Variants in PIEZO1 observed in about 807,000 individuals in gnomAD.
PIEZO1 encodes piezo-type mechanosensitive ion channel component 1.
PIEZO1 carries 296 observed loss-of-function variants against 297.2 expected under a neutral mutation model. That is an observed-to-expected ratio of 1.00 (90% CI 0.91 to 1.10). PIEZO1 has a LOEUF of 1.10. Ranked by LOEUF, PIEZO1 falls within the 50% of genes least tolerant of loss-of-function variation. The pLI is 0.00. For synonymous variants in PIEZO1, 2,427 were observed against 1,507.5 expected, an observed-to-expected ratio of 1.61 and a Z score of -14.13; for missense variants, 5,018 against 3,455.5, an observed-to-expected ratio of 1.45 and a Z score of -11.34.
chr16:88,734,026 G>T lies in PIEZO1; in HGVS notation c.2209C>A (p.Leu737Met), dbSNP rs985377446. The change falls in exon 17 of 51, where the codon CTG (leucine) becomes ATG (methionine). Residue 737 changes from leucine (L) to methionine (M), a missense_variant. By Grantham distance (15) the Leu-to-Met change is conservative. Transcript: ENST00000301015. ...RQDAVSGTPL[L>M]REEQQEHQQQ... ...TGATGCTCCTGCTGCTCCTCCCGCAGCAGTGGGGTCCCACTCACTGCATCC... is the reference window on the plus strand; with the variant it reads ...TGATGCTCCTGCTGCTCCTCCCGCATCAGTGGGGTCCCACTCACTGCATCC... 1.3e-5 allele frequency: 20 copies of T among 1,543,624 alleles called. 1 individual carries two copies. The African/African-American group carries it at 2.1e-4, about 16-fold the overall frequency.
At position 88,738,236 on chromosome 16, in the gene PIEZO1, A is replaced by G; in HGVS notation, c.839T>C (p.Ile280Thr). 6.5e-7 allele frequency: 1 copy of G among 1,535,770 alleles called. No individual in the cohort carries two copies. The highest frequency in any genetic ancestry group is 1.4e-5 in the African/African-American group (1 of 73,184). ...LAQALLPPAG[I>T]WARVLGLKDF... ...TGTGGCAAGCCGTTACCTAGCCCAG[A>G]TGCCGGCAGGCGGGAGCAGAGCCTG... The change falls in exon 7 of 51, where the codon ATC becomes ACC. Residue 280 changes from isoleucine (I) to threonine (T), a missense_variant. Transcript: ENST00000301015.
intron 1 of PIEZO1, among the ~76,000 whole-genome samples, chr16:88,778,146 G>A (rs1402678928): frequency 1.3e-5 from 2 of 152,362 alleles, no homozygotes; most frequent in Middle Eastern, 3.4e-3. Context: ...GGACTCCCCT[G>A]CCTGATGCCG....
At chr16:88,733,545 G>C (rs557674994) in intron 18 of PIEZO1, 43 bp downstream of exon 18, 9 of 1,527,798 alleles carry the variant, frequency 5.9e-6, no homozygotes, top group Non-Finnish European at 8.0e-6. Flanking sequence ...AGGCCAGAGC[G>C]ACCCCACCCC....
At chr16:88,779,258 C>G (rs1005746730) in intron 1 of PIEZO1, among the ~76,000 whole-genome samples, 2 of 152,080 alleles carry the variant, frequency 1.3e-5, no homozygotes, top group African/African-American at 4.8e-5. Context: ...AGGCTGGTCT[C>G]GAACTCCTGA....
intron 1 of PIEZO1, among the ~76,000 whole-genome samples, chr16:88,758,670 G>C (rs1354242987): frequency 6.6e-6 from 1 of 152,220 alleles, no homozygotes; most frequent in African/African-American, 2.4e-5. Flanking sequence ...GGTCGTGTCT[G>C]TATGTGCCCT....
At position 88,727,128 on chromosome 16, in the gene PIEZO1, C is replaced by G. The variant is rs1904505172; in HGVS notation, c.3366G>C (p.Glu1122Asp). ...TGACGCCAGCCATGCGCTGCCACTC[C>G]TCTGTGCGCTCAGCTGAGAACACCT... is the stretch of plus-strand genomic sequence containing the variant. ...QWQVFSAERT[E>D]EWQRMAGVNT... Residue 1122 changes from glutamate to aspartate, a missense_variant, in exon 24 of 51, where the codon GAG becomes GAC. Glu to Asp is a conservative substitution (Grantham distance 45). Coordinates refer to ENST00000301015, the MANE Select transcript of PIEZO1 (RefSeq NM_001142864.4). 1.9e-6 allele frequency: 3 copies of G among 1,549,850 alleles called. No individual in the cohort carries two copies. The highest frequency in any genetic ancestry group is 2.6e-6 in the Non-Finnish European group (3 of 1,146,730).
intron 22 of PIEZO1, chr16:88,731,160 G>A (rs8050504): frequency 0.39 from 60,429 of 154,356 alleles, 12,650 homozygotes; most frequent in East Asian, 0.76. Context: ...AGGCGGGGGC[G>A]GCTTAGACCC....
rs1295222137 is a variant in PIEZO1 at position 88,733,981 on chromosome 16, C to T, written c.2254G>A (p.Glu752Lys). The T allele has an allele frequency of 2.6e-6, 4 of 1,546,948 alleles. No individual in the cohort carries two copies. The highest frequency in any genetic ancestry group is 1.2e-5 in the South Asian group (1 of 83,960). The change falls in exon 17 of 51, where the codon GAG becomes AAG. Residue 752 changes from glutamate (E) to lysine (K), a missense_variant. By Grantham distance (56) the Glu-to-Lys change is moderately conservative (BLOSUM62 1). Coordinates refer to ENST00000301015, the MANE Select transcript of PIEZO1 (RefSeq NM_001142864.4). ...TCCCTGGAGTCCTCCTCCTCCTCCT[C>T]CTCCTCCTGCTGCTGCTGCTGATGC... is the stretch of plus-strand genomic sequence containing the variant. ...QEHQQQQQEEEEEEEDSRDEG... is the reference protein window; with the variant it reads ...QEHQQQQQEEKEEEEDSRDEG...
intron 5 of PIEZO1, chr16:88,740,248 CG>C (rs1311540869): frequency 6.6e-6 from 1 of 152,288 alleles, no homozygotes; most frequent in African/African-American, 2.4e-5. Context: ...CTAGATCTTT[CG>C]GAACGGTATC....
In PIEZO1 at chr16:88,735,243, G is replaced by C; in HGVS notation, c.1561C>G (p.Leu521Val). The C allele has an allele frequency of 1.3e-6, 2 of 1,548,738 alleles. No homozygotes were observed. The highest frequency in any genetic ancestry group is 1.4e-5 in the African/African-American group (1 of 73,096). The change falls in exon 13 of 51, where the codon CTC (leucine) becomes GTC (valine). Residue 521 changes from leucine (L) to valine (V), a missense_variant. Coordinates refer to ENST00000301015, the MANE Select transcript of PIEZO1 (RefSeq NM_001142864.4). Reference protein sequence around the residue: ...YPCLDLGAMLLYTLTFWLLLR... With the variant: ...YPCLDLGAMLVYTLTFWLLLR... ...AGGAGCCAGAAGGTCAGGGTGTAGA[G>C]CAACTGTGACAAGCGCAGGGTGTCA...
intron 1 of PIEZO1, among the ~76,000 whole-genome samples, chr16:88,767,087 G>A (rs564441187): frequency 6.6e-6 from 1 of 152,208 alleles, no homozygotes; most frequent in Non-Finnish European, 1.5e-5. Context: ...CAGCTTCTCC[G>A]ATCGATTGGC....
At chr16:88,732,927 G>A (rs1333251030) in intron 19 of PIEZO1, 195 bp from the exon 20 acceptor site, 8 of 616,618 alleles carry the variant, frequency 1.3e-5, no homozygotes, top group South Asian at 4.0e-5. Context: ...ACGGGCAGGG[G>A]CTGGGGGAGT....
In PIEZO1 at chr16:88,719,890, A is replaced by G; in HGVS notation, c.6235T>C (p.Tyr2079His). 6.4e-7 allele frequency: 1 copy of G among 1,550,520 alleles called. No homozygotes were observed. Reference protein sequence around the residue: ...VKCIYFALSAYQIRCGYPTRI... With the variant: ...VKCIYFALSAHQIRCGYPTRI... The stretch of plus-strand genomic sequence containing the variant: ...GTGGGGTAGCCGCAGCGGATCTGGT[A>G]GGCGGACAGGGCGAAGTAGATGCAC... Residue 2079 changes from tyrosine to histidine, a missense_variant, in exon 43 of 51, where the codon TAC (tyrosine) becomes CAC (histidine). Physicochemically the swap from Tyr to His is moderately conservative, Grantham distance 83 (BLOSUM62 2). Transcript: ENST00000301015.
chr16:88,722,238 G>C lies in PIEZO1; in HGVS notation c.4935C>G (p.Ala1645=). 2 of 1,547,396 alleles carry C rather than the reference G, an allele frequency of 1.3e-6. No individual in the cohort carries two copies. Among genetic ancestry groups the C allele is most frequent in the Middle Eastern group, 1.7e-4 (1 of 5,824 alleles). ...CCCACCTGTCCAGGAGCAGCTCGCT[G>C]GCCGTCCGCATCAGTCCCTGGTACA... ...ASLYQGLMRT[A]SELLLDRRLR... Residue 1645 remains alanine (A), a synonymous_variant, in exon 36 of 51, where the codon GCC becomes GCG. Transcript: ENST00000301015.
intron 11 of PIEZO1, 33 bp from the exon 12 acceptor site, chr16:88,736,441 G>A: frequency 6.6e-7 from 1 of 1,514,328 alleles, no homozygotes; most frequent in South Asian, 1.2e-5. Context: ...CAGCTGCCCA[G>A]CGCACCCCAC....
chr16:88,780,059 G>A (rs1907859668), intron 1 of PIEZO1, among the ~76,000 whole-genome samples: 2 of 152,178 alleles, frequency 1.3e-5, no homozygotes, highest in Admixed American at 1.3e-4. Flanking sequence ...GGCCCCACAC[G>A]TTCAGAGCAA....
intron 23 of PIEZO1, 96 bp downstream of exon 23, chr16:88,727,461 C>G (rs938845356): frequency 3.1e-6 from 2 of 644,454 alleles, no homozygotes; most frequent in Admixed American, 6.0e-5. Context: ...ACACCTCCGC[C>G]CGTGCACGCC....
chr16:88,760,764 C>T (rs28494875), intron 1 of PIEZO1, among the ~76,000 whole-genome samples: 5,957 of 152,350 alleles, frequency 0.039, 281 homozygotes, highest in African/African-American at 0.11. Flanking sequence ...GGGAGCCACC[C>T]GCCTTCGACG....
In PIEZO1 at chr16:88,725,475, C is replaced by A. The variant is rs917988282; in HGVS notation, c.4103G>T (p.Arg1368Leu). The change falls in exon 29 of 51, where the codon CGG becomes CTG. Residue 1368 changes from arginine to leucine, a missense_variant. Coordinates refer to ENST00000301015, the MANE Select transcript of PIEZO1 (RefSeq NM_001142864.4). Reference protein sequence around the residue: ...RAKQEKHRQGRVDRSRPQDTL... With the variant: ...RAKQEKHRQGLVDRSRPQDTL... ...GTCCTGGGGGCGACTGCGGTCCACCCGGCCCTGCCTGTGCTTCTCCTGCTT... is the reference window on the plus strand; with the variant it reads ...GTCCTGGGGGCGACTGCGGTCCACCAGGCCCTGCCTGTGCTTCTCCTGCTT... 6 of 1,520,220 alleles carry A rather than the reference C, an allele frequency of 3.9e-6. No individual in the cohort carries two copies. In the East Asian group the frequency reaches 1.2e-4, roughly 31 times the overall value. 94.2% of individuals were successfully genotyped at this position (1,520,220 alleles called of 1,614,324 possible). A position where few individuals can be genotyped will look rare whatever the true frequency, so the allele number is the denominator to read the frequency against.
Sources: allele counts gnomAD v4.1 joint callset (sites outside exome capture counted in the v4.1 genomes callset), GRCh38; gene constraint gnomAD v4.1.1; transcripts MANE v1.5; gene names NCBI Gene and HGNC (gene_info 2026-07-23, HGNC 2026-07-21).